RAB8A: variants seen among roughly 807,000 people sequenced by gnomAD.
RAB8A encodes the protein RAB8A, member RAS oncogene family.
In RAB8A, 5 loss-of-function variants were observed where a neutral mutation model predicts 29.2. The ratio of observed to expected loss-of-function variants is 0.17; its 90% CI spans 0.09 to 0.36. The LOEUF (loss-of-function observed/expected upper bound fraction) is 0.36, where lower values mean the gene tolerates loss of function less well. Among genes scored for constraint, RAB8A ranks in the 10% least tolerant of loss-of-function variants. RAB8A has a pLI of 1.00. For synonymous variants in RAB8A, 108 were observed against 99.9 expected, an observed-to-expected ratio of 1.08 and a Z score of -0.49; for missense variants, 171 against 272.2, an observed-to-expected ratio of 0.63 and a Z score of 2.62.
At chr19:16,121,513 A>G (rs1364427025) in intron 2 of RAB8A, among the ~76,000 whole-genome samples, 1 of 152,162 alleles carries the variant, frequency 6.6e-6, no homozygotes, top group Non-Finnish European at 1.5e-5. Flanking sequence ...GCAGAAGAGG[A>G]GAAGGCGCAT....
In RAB8A at chr19:16,127,438, A is replaced by G; in HGVS notation, c.326A>G (p.His109Arg). The G allele has an allele frequency of 6.7e-7, 1 of 1,485,832 alleles. No homozygotes were observed. Among genetic ancestry groups the G allele is most frequent in the Non-Finnish European group, 8.9e-7 (1 of 1,118,618 alleles). The allele number at this position is 1,485,832 out of a possible 1,614,324, so 92.0% of individuals were successfully genotyped here. ...CCCGTCTGTCCCCCTCCCTCTCAGC[A>G]CGCCTCTGCAGACGTCGAAAAGATG... The part of the protein sequence containing the change: ...IRNWIRNIEE[H>R]ASADVEKMIL... Residue 109 changes from histidine (H) to arginine (R), a missense_variant and splice_region_variant, in exon 5 of 8, where the codon CAC becomes CGC. By Grantham distance (29) the His-to-Arg change is conservative. This residue lies in a region of RAB8A where 145 missense variants were observed against 212.8 expected (regional missense o/e 0.68). Transcript: ENST00000300935. The surrounding 1 kb of genome is among the most constrained non-coding windows in gnomAD (Gnocchi z 4.8).
Position 16,125,006 on chromosome 19 carries a change from G to T in RAB8A, c.247-464G>T. 5.4e-6 allele frequency: 1 copy of T among 184,354 alleles called. No individual in the cohort carries two copies. The highest frequency in any genetic ancestry group is 1.2e-5 in the Non-Finnish European group (1 of 86,270). The allele number at this position is 184,354 out of a possible 1,614,324, so 11.4% of individuals were successfully genotyped here. A position where few individuals can be genotyped will look rare whatever the true frequency, so the allele number is the denominator to read the frequency against. ...GTGGATGTCGGGTCAGGACTTCCTG[G>T]GCTCAGTTGTGCCTGGTAGGTGGCT... On this transcript the variant is annotated intron_variant, in intron 3 of 7. Coordinates refer to ENST00000300935, the MANE Select transcript of RAB8A (RefSeq NM_005370.5). This position sits in a 1 kb window ranked among gnomAD's most constrained non-coding sequence, Gnocchi z 5.0.
intron 1 of RAB8A, among the ~76,000 whole-genome samples, chr19:16,114,087 G>A (rs994771864): frequency 6.6e-6 from 1 of 151,878 alleles, no homozygotes; most frequent in Non-Finnish European, 1.5e-5. Context: ...GGGCAACATG[G>A]CAAACCCCAT....
Position 16,132,165 on chromosome 19 carries a change from A to T in RAB8A, c.532-47A>T. The T allele has an allele frequency of 7.1e-7, 1 of 1,407,148 alleles. No individual in the cohort carries two copies. The highest frequency in any genetic ancestry group is 1.0e-6 in the Non-Finnish European group (1 of 991,862). The allele number at this position is 1,407,148 out of a possible 1,614,324, so 87.2% of individuals were successfully genotyped here. A position where few individuals can be genotyped will look rare whatever the true frequency, so the allele number is the denominator to read the frequency against. On this transcript the variant is annotated intron_variant, in intron 7 of 7. Coordinates refer to ENST00000300935, the MANE Select transcript of RAB8A (RefSeq NM_005370.5). This position sits in a 1 kb window ranked among gnomAD's most constrained non-coding sequence, Gnocchi z 5.6. ...GGATGGCTGGTTGATTGTGAGACGT[A>T]GTGCTGATTCTCAGTGATAACCTCA...
intron 2 of RAB8A, 71 bp from the exon 3 acceptor site, chr19:16,121,679 T>C: frequency 7.0e-7 from 1 of 1,423,312 alleles, no homozygotes; most frequent in Admixed American, 1.7e-5. Context: ...CCCGGGTAGA[T>C]GCTCCTTGTC....
chr19:16,127,982 C>G lies in RAB8A; in HGVS notation c.415-44C>G. On this transcript the variant is annotated intron_variant, in intron 5 of 7. Transcript: ENST00000300935. This position sits in a 1 kb window ranked among gnomAD's most constrained non-coding sequence, Gnocchi z 4.8. ...CCTGTTTTAGGCAAGCTCAGATGCGCCCGGCGGCTGGTGTGCTCATGCGTG... is the reference window on the plus strand; with the variant it reads ...CCTGTTTTAGGCAAGCTCAGATGCGGCCGGCGGCTGGTGTGCTCATGCGTG... The G allele has an allele frequency of 6.2e-7, 1 of 1,602,156 alleles. No individual in the cohort carries two copies. Among genetic ancestry groups the G allele is most frequent in the Non-Finnish European group, 8.6e-7 (1 of 1,169,146 alleles).
chr19:16,129,858 C>G (rs1434228073), intron 7 of RAB8A, among the ~76,000 whole-genome samples: 2 of 152,178 alleles, frequency 1.3e-5, no homozygotes, highest in Middle Eastern at 3.2e-3. Context: ...GAGCACACGG[C>G]CTTTTCCATT....
At chr19:16,115,778 A>G (rs1228729317) in intron 1 of RAB8A, among the ~76,000 whole-genome samples, 1 of 152,198 alleles carries the variant, frequency 6.6e-6, no homozygotes, top group Non-Finnish European at 1.5e-5. Flanking sequence ...CACTGGAGGT[A>G]ATAGCAGTGG....
Position 16,132,568 on chromosome 19 carries a change from C to CAG in RAB8A, c.*275_*276dup. On this transcript the variant is annotated 3_prime_UTR_variant, in exon 8 of 8. Transcript: ENST00000300935. The surrounding 1 kb of genome is among the most constrained non-coding windows in gnomAD (Gnocchi z 5.6). ...CGGGCCCACCCACACGTTGTATATT[C>CAG]AGAGAGAGAGAGGGAGTCAAGGTGT... is the stretch of plus-strand genomic sequence containing the variant. 3.8e-5 allele frequency: 18 copies of CAG among 468,070 alleles called. No homozygotes were observed. The highest frequency in any genetic ancestry group is 1.2e-4 in the East Asian group (3 of 24,458). 29.0% of individuals were successfully genotyped at this position (468,070 alleles called of 1,614,324 possible). A position where few individuals can be genotyped will look rare whatever the true frequency, so the allele number is the denominator to read the frequency against.
At chr19:16,118,895 C>T (rs1043870614) in intron 2 of RAB8A, among the ~76,000 whole-genome samples, 2 of 152,224 alleles carry the variant, frequency 1.3e-5, no homozygotes, top group Admixed American at 6.5e-5. Flanking sequence ...AAGTCGCCAT[C>T]GCTGGCCTGA....
At chr19:16,115,347 A>T (rs2090841891) in intron 1 of RAB8A, among the ~76,000 whole-genome samples, 1 of 152,166 alleles carries the variant, frequency 6.6e-6, no homozygotes, top group Non-Finnish European at 1.5e-5. Context: ...TTCTTTATAG[A>T]CAAGGATTGA....
At chr19:16,120,796 A>C (rs759093703) in intron 2 of RAB8A, among the ~76,000 whole-genome samples, 14 of 151,772 alleles carry the variant, frequency 9.2e-5, no homozygotes, top group Non-Finnish European at 1.6e-4. Flanking sequence ...TTTTTAGTAG[A>C]GATGAGGTTT....
chr19:16,128,525 G>C (rs929572122), intron 6 of RAB8A, among the ~76,000 whole-genome samples: 1 of 152,134 alleles, frequency 6.6e-6, no homozygotes, highest in Non-Finnish European at 1.5e-5. Context: ...TCCACGGGGC[G>C]ACCCCAGCCC....
chr19:16,129,943 G>A (rs930423346), intron 7 of RAB8A, among the ~76,000 whole-genome samples: 11 of 152,132 alleles, frequency 7.2e-5, no homozygotes, highest in South Asian at 2.1e-4. Flanking sequence ...TTCCTAGGTC[G>A]CTTGGGCAGG....
intron 6 of RAB8A, among the ~76,000 whole-genome samples, chr19:16,128,663 G>T (rs973121887): frequency 6.6e-6 from 1 of 152,202 alleles, no homozygotes; most frequent in South Asian, 2.1e-4. Flanking sequence ...TGGCGTGGAA[G>T]GCCCTCCCTC....
At chr19:16,114,611 G>A (rs1340459686) in intron 1 of RAB8A, among the ~76,000 whole-genome samples, 2 of 144,044 alleles carry the variant, frequency 1.4e-5, no homozygotes, top group African/African-American at 5.2e-5. Context: ...GGCTGGTCTC[G>A]AACTCCTGAC....
At chr19:16,123,173 C>G (rs1409570290) in intron 3 of RAB8A, among the ~76,000 whole-genome samples, 1 of 152,252 alleles carries the variant, frequency 6.6e-6, no homozygotes, top group African/African-American at 2.4e-5. Context: ...AATGGCTAGG[C>G]TGGGCTGGGC....
chr19:16,115,847 T>A (rs1421229252), intron 1 of RAB8A, among the ~76,000 whole-genome samples: 1 of 152,148 alleles, frequency 6.6e-6, no homozygotes, highest in Non-Finnish European at 1.5e-5. Context: ...GAAAGTCCAG[T>A]GCTGGGGCTG....
At chr19:16,115,294 A>T (rs1402219808) in intron 1 of RAB8A, among the ~76,000 whole-genome samples, 2 of 152,116 alleles carry the variant, frequency 1.3e-5, no homozygotes, top group Non-Finnish European at 2.9e-5. Context: ...TCTCCAAAAA[A>T]AAAAAGAAGC....
Sources: gnomAD v4.1 joint callset for allele counts (sites outside exome capture counted in the v4.1 genomes callset) on GRCh38, gnomAD v4.1.1 for gene constraint, gnomAD v4.1.1 regional missense constraint, Gnocchi (gnomAD v3.1) non-coding constraint, MANE v1.5 for transcripts, NCBI Gene and HGNC (gene_info 2026-07-23, HGNC 2026-07-21) for gene names.